The following NBEA variants were observed in gnomAD, a reference collection of about 807,000 sequenced individuals.
NBEA encodes the protein lysosomal-trafficking regulator 2.
NBEA carries 44 observed loss-of-function variants against 343.4 expected under a neutral mutation model. That is an observed-to-expected ratio of 0.13 (90% CI 0.10 to 0.16). The LOEUF (loss-of-function observed/expected upper bound fraction) is 0.16. Among genes scored for constraint, NBEA ranks in the 10% least tolerant of loss-of-function variants. The probability of loss-of-function intolerance (pLI) is 1.00; values close to 1 mark genes in which losing one functional copy is unlikely to be tolerated. For missense variants in NBEA, 2,555 were observed against 3,631.3 expected (o/e 0.70, Z 7.62); for synonymous variants, 1,175 against 1,238.7 (o/e 0.95, Z 1.08).
intron 12 of NBEA, among the ~76,000 whole-genome samples, chr13:35,109,908 A>G (rs1184836103): frequency 6.6e-6 from 1 of 151,918 alleles, no homozygotes; most frequent in Non-Finnish European, 1.5e-5. Context: ...TTTATATACA[A>G]GGATTTAGTC....
Position 35,159,002 on chromosome 13 carries a change from T to C in NBEA, c.2845-14T>C, listed in dbSNP as rs773320075. On this transcript the variant is annotated splice_polypyrimidine_tract_variant and intron_variant, in intron 21 of 58. Transcript: ENST00000379939. Reference sequence around the variant, plus strand: ...GTACAAAATGCCTTAATGTTTTCTTTACTTATTCCTAAGGTCACTTATGAA... The same window carrying C: ...GTACAAAATGCCTTAATGTTTTCTTCACTTATTCCTAAGGTCACTTATGAA... 6.5e-7 allele frequency: 1 copy of C among 1,545,760 alleles called. No individual in the cohort carries two copies. The highest frequency in any genetic ancestry group is 2.3e-5 in the East Asian group (1 of 44,440).
intron 48 of NBEA, among the ~76,000 whole-genome samples, chr13:35,613,092 C>CAT (rs745692745): frequency 1.3e-5 from 2 of 148,894 alleles, no homozygotes; most frequent in Non-Finnish European, 3.0e-5. Flanking sequence ...TATATATTTA[C>CAT]ATATATATAT....
chr13:35,487,764 C>T (rs2076354812), intron 41 of NBEA, among the ~76,000 whole-genome samples: 1 of 152,002 alleles, frequency 6.6e-6, no homozygotes, highest in South Asian at 2.1e-4. Flanking sequence ...CAAATATATG[C>T]TTTTTAAATT....
At chr13:35,613,525 C>T (rs527963486) in intron 48 of NBEA, among the ~76,000 whole-genome samples, 1 of 152,222 alleles carries the variant, frequency 6.6e-6, no homozygotes, top group South Asian at 2.1e-4. Flanking sequence ...ATGCAAATAT[C>T]CCTTTAGCAT....
intron 36 of NBEA, among the ~76,000 whole-genome samples, chr13:35,327,265 C>T (rs1158901562): frequency 6.6e-6 from 1 of 152,022 alleles, no homozygotes; most frequent in Non-Finnish European, 1.5e-5. Flanking sequence ...ACCCAGCAAT[C>T]CCATTACTGG....
chr13:35,391,962 G>T (rs1594457699), intron 38 of NBEA, among the ~76,000 whole-genome samples: 1 of 152,128 alleles, frequency 6.6e-6, no homozygotes, highest in East Asian at 1.9e-4. Context: ...CACATATAGT[G>T]CTACTTTCAT....
rs116875895 is a variant in NBEA at position 35,262,982 on chromosome 13, C to T, written c.5777-27407C>T. ...AAATAGAAAAATCAATCCTAAAATT[C>T]ATTTGCAAACTTAAGGAACCCTGAA... On this transcript the variant is annotated intron_variant, in intron 34 of 58. Transcript: ENST00000379939. Among the ~76,000 whole-genome samples the T allele has an allele frequency of 2.0e-5, 3 of 152,232 alleles. No homozygotes were observed. In the East Asian group the frequency reaches 5.8e-4, roughly 29 times the overall value.
At chr13:35,626,800 T>C (rs76203977) in intron 48 of NBEA, among the ~76,000 whole-genome samples, 2,844 of 152,322 alleles carry the variant, frequency 0.019, 41 homozygotes, top group Non-Finnish European at 0.029. Context: ...TGTGTTCTAC[T>C]CTGAACTGTT....
At chr13:35,117,683 C>A (rs1157297129) in intron 14 of NBEA, among the ~76,000 whole-genome samples, 190 bp downstream of exon 14, 1 of 151,846 alleles carries the variant, frequency 6.6e-6, no homozygotes, top group East Asian at 1.9e-4. Context: ...GAAATCTTCC[C>A]TATTAAGGGA....
At position 35,173,465 on chromosome 13, in the gene NBEA, T is replaced by G; in HGVS notation, c.4425T>G (p.Val1475=). 2 of 1,597,764 alleles carry G rather than the reference T, an allele frequency of 1.3e-6. No individual in the cohort carries two copies. The highest frequency in any genetic ancestry group is 1.3e-5 in the African/African-American group (1 of 74,508). The change falls in exon 27 of 59, where the codon GTT becomes GTG. Residue 1475 remains valine, a splice_region_variant and synonymous_variant. Coordinates refer to ENST00000379939, the MANE Select transcript of NBEA (RefSeq NM_001385012.1). ...GGLMRQCLRL[V]CCVAVRNCLE... ...ATATGTTTTTGAATTTTTAAATAGT[T>G]TGTTGTGTTGCTGTGAGAAACTGTT...
At chr13:35,246,265 A>T (rs963745660) in intron 34 of NBEA, among the ~76,000 whole-genome samples, 2 of 151,914 alleles carry the variant, frequency 1.3e-5, no homozygotes, top group Non-Finnish European at 2.9e-5. Flanking sequence ...TTAATAATCA[A>T]CCTGAATTCT....
At chr13:35,411,402 T>A (rs187269000) in intron 38 of NBEA, among the ~76,000 whole-genome samples, 179 of 152,192 alleles carry the variant, frequency 1.2e-3, no homozygotes, top group African/African-American at 4.2e-3. Flanking sequence ...TTTGATGAAT[T>A]GTTGTAGATG....
chr13:35,546,859 T>A (rs910916150), intron 41 of NBEA, among the ~76,000 whole-genome samples: 6 of 152,126 alleles, frequency 3.9e-5, no homozygotes, highest in Non-Finnish European at 7.4e-5. Flanking sequence ...GGCCTAAAAT[T>A]TTTTTAAATA....
intron 41 of NBEA, among the ~76,000 whole-genome samples, chr13:35,495,544 G>A (rs1425615355): frequency 1.3e-5 from 2 of 151,970 alleles, no homozygotes; most frequent in African/African-American, 4.8e-5. Flanking sequence ...ATAAATTGAG[G>A]AGTGTATTTT....
chr13:35,085,697 A>G (rs1245606013), intron 10 of NBEA, among the ~76,000 whole-genome samples: 2 of 152,028 alleles, frequency 1.3e-5, no homozygotes, highest in East Asian at 3.9e-4. Flanking sequence ...CTCTCTCACC[A>G]CTCCTGTTGA....
At position 35,590,664 on chromosome 13, in the gene NBEA, C is replaced by T. The variant is rs17052468; in HGVS notation, c.7177-2664C>T. Reference sequence around the variant, plus strand: ...CTTTGCATGTATAAATGGGTTTTCACTCACATCTGTTTAATAGGTTAAAAA... The same window carrying T: ...CTTTGCATGTATAAATGGGTTTTCATTCACATCTGTTTAATAGGTTAAAAA... On this transcript the variant is annotated intron_variant, in intron 46 of 58. Transcript: ENST00000379939. 3.7e-3 allele frequency among the ~76,000 whole-genome samples: 569 copies of T among 152,114 alleles called. 2 individuals are homozygous for T. The highest frequency in any genetic ancestry group is 0.013 in the African/African-American group (535 of 41,504).
At chr13:35,083,854 T>C (rs1460592867) in intron 10 of NBEA, among the ~76,000 whole-genome samples, 4 of 151,922 alleles carry the variant, frequency 2.6e-5, no homozygotes, top group Admixed American at 6.6e-5. Context: ...GAGACACACA[T>C]AGGCTTAAAA....
Position 35,159,500 on chromosome 13 carries a change from A to G in NBEA, c.3329A>G (p.Asn1110Ser). The G allele has an allele frequency of 3.7e-6, 6 of 1,613,398 alleles. No homozygotes were observed. The highest frequency in any genetic ancestry group is 4.2e-6 in the Non-Finnish European group (5 of 1,179,672). ...GCTGCTGTTGAGAAACTCCAGAACAATGTACATGGAAGTGTTGGTATCATT... is the reference window on the plus strand; with the variant it reads ...GCTGCTGTTGAGAAACTCCAGAACAGTGTACATGGAAGTGTTGGTATCATT... ...YSAAVEKLQN[N>S]VHGSVGIIKK... The change falls in exon 22 of 59, where the codon AAT (asparagine) becomes AGT (serine). Residue 1110 changes from asparagine (N) to serine (S), a missense_variant. Physicochemically the swap from Asn to Ser is conservative, Grantham distance 46. This residue lies in a region of NBEA where 367 missense variants were observed against 377.5 expected (regional missense o/e 0.97). Coordinates refer to ENST00000379939, the MANE Select transcript of NBEA (RefSeq NM_001385012.1).
chr13:35,108,485 G>A lies in NBEA; in HGVS notation c.1681-805G>A, dbSNP rs576297903. 5.0e-4 allele frequency among the ~76,000 whole-genome samples: 76 copies of A among 151,868 alleles called. No homozygotes were observed. The South Asian group carries it at 0.011, about 22-fold the overall frequency. ...TACAGGTGGTATTAATTTTAATAAC[G>A]TATTTAGCCTAGTATTTTATTTTGA... On this transcript the variant is annotated intron_variant, in intron 11 of 58. Transcript: ENST00000379939.
Sources: gnomAD v4.1 joint callset for allele counts (sites outside exome capture counted in the v4.1 genomes callset) on GRCh38, gnomAD v4.1.1 for gene constraint, gnomAD v4.1.1 regional missense constraint, MANE v1.5 for transcripts, NCBI Gene and HGNC (gene_info 2026-07-23, HGNC 2026-07-21) for gene names.